The following PGLYRP2 variants were observed in gnomAD, a reference collection of about 807,000 sequenced individuals.
PGLYRP2 encodes N-acetylmuramoyl-L-alanine amidase.
PGLYRP2 carries 38 observed loss-of-function variants against 46.2 expected under a neutral mutation model. The observed-to-expected ratio is 0.82, with a 90% CI of 0.64 to 1.08. The LOEUF (loss-of-function observed/expected upper bound fraction) is 1.08. Ranked by LOEUF, PGLYRP2 falls within the 50% of genes least tolerant of loss-of-function variation. The pLI is 0.00. For missense variants in PGLYRP2, 713 were observed against 755.9 expected, an observed-to-expected ratio of 0.94 and a Z score of 0.67; for synonymous variants, 289 against 329.4, an observed-to-expected ratio of 0.88 and a Z score of 1.33.
intron 2 of PGLYRP2, 110 bp downstream of exon 2, chr19:15,475,428 C>A (rs1308469828): frequency 1.8e-6 from 2 of 1,101,534 alleles, no homozygotes; most frequent in East Asian, 4.8e-5. Flanking sequence ...CGACCAGATC[C>A]CTTATTGCCC....
chr19:15,471,614 T>C (rs1970749695), intron 3 of PGLYRP2, among the ~76,000 whole-genome samples: 1 of 152,140 alleles, frequency 6.6e-6, no homozygotes, highest in Non-Finnish European at 1.5e-5. Context: ...ACCCAGACTC[T>C]GCCACAGGTC....
chr19:15,470,292 C>CTTT (rs1599763576), intron 3 of PGLYRP2, among the ~76,000 whole-genome samples: 4 of 133,964 alleles, frequency 3.0e-5, no homozygotes, highest in South Asian at 4.6e-4. Flanking sequence ...TTCCTTCCTT[C>CTTT]CTTCTTTCTT....
chr19:15,469,502 G>T lies in PGLYRP2; in HGVS notation c.1641+130C>A. ...GGGCCTAGGTTTCCTGAATAGACGT[G>T]CCGCCGGGAAGTTGGGGGCCTGGCT... On this transcript the variant is annotated intron_variant, in intron 4 of 4. Transcript: ENST00000340880. This position sits in a 1 kb window ranked among gnomAD's most constrained non-coding sequence, Gnocchi z 4.9. 7.7e-7 allele frequency: 1 copy of T among 1,292,474 alleles called. No individual in the cohort carries two copies. The highest frequency in any genetic ancestry group is 1.1e-6 in the Non-Finnish European group (1 of 923,288). 80.1% of individuals were successfully genotyped at this position (1,292,474 alleles called of 1,614,324 possible).
intron 2 of PGLYRP2, among the ~76,000 whole-genome samples, chr19:15,474,285 C>T (rs1190941752): frequency 6.6e-6 from 1 of 151,656 alleles, no homozygotes; most frequent in South Asian, 2.1e-4. Context: ...TGCAGTGAGC[C>T]GAGATTGTGC....
In PGLYRP2 at chr19:15,468,669, G is replaced by T; in HGVS notation, c.1725C>A (p.Leu575=). 6.2e-7 allele frequency: 1 copy of T among 1,611,454 alleles called. No individual in the cohort carries two copies. The highest frequency in any genetic ancestry group is 1.1e-5 in the South Asian group (1 of 90,740). Residue 575 remains leucine, a synonymous_variant, in exon 5 of 5, where the codon CTC becomes CTA. Coordinates refer to ENST00000340880, the MANE Select transcript of PGLYRP2 (RefSeq NM_052890.4). ...CTTTGTTTCCATGCTGTCTTTATTG[G>T]AGGTCTGTGGCTGGCAGGGTCCTTG... The part of the protein sequence containing the change: ...PPPRTLPATD[L]Q
At chr19:15,474,612 G>T (rs2145518154) in intron 2 of PGLYRP2, among the ~76,000 whole-genome samples, 1 of 152,188 alleles carries the variant, frequency 6.6e-6, no homozygotes, top group South Asian at 2.1e-4. Flanking sequence ...CGAAGGTCAG[G>T]CCCAGGTTTC....
chr19:15,469,773 G>A lies in PGLYRP2; in HGVS notation c.1500C>T (p.Arg500=). The A allele has an allele frequency of 6.6e-7, 1 of 1,504,880 alleles. No homozygotes were observed. The highest frequency in any genetic ancestry group is 1.3e-5 in the South Asian group (1 of 78,826). The allele number at this position is 1,504,880 out of a possible 1,614,324, so 93.2% of individuals were successfully genotyped here. A position where few individuals can be genotyped will look rare whatever the true frequency, so the allele number is the denominator to read the frequency against. ...LPTEAALRTV[R]DTLPSCAVRA... is the part of the protein sequence containing the mutation. ...GCACCGCACAACTCGGGAGCGTGTC[G>A]CGCACCGTGCGCAGAGCGGCCTCGG... The change falls in exon 4 of 5, where the codon CGC becomes CGT. Residue 500 remains arginine (R), a synonymous_variant. Coordinates refer to ENST00000340880, the MANE Select transcript of PGLYRP2 (RefSeq NM_052890.4). This position sits in a 1 kb window ranked among gnomAD's most constrained non-coding sequence, Gnocchi z 4.9.
At chr19:15,471,809 G>T (rs1970751531) in intron 3 of PGLYRP2, 81 bp downstream of exon 3, 1 of 1,466,100 alleles carries the variant, frequency 6.8e-7, no homozygotes, top group Non-Finnish European at 9.2e-7. Context: ...TTCAAGCCCG[G>T]TCCCCTGCAT....
intron 3 of PGLYRP2, among the ~76,000 whole-genome samples, chr19:15,470,473 T>A (rs7251871): frequency 0.35 from 51,757 of 147,718 alleles, 8,993 homozygotes; most frequent in Middle Eastern, 0.52. Context: ...ATTTTTTTTT[T>A]AATTTTTATT....
intron 3 of PGLYRP2, among the ~76,000 whole-genome samples, chr19:15,471,032 T>C (rs1027946046): frequency 6.7e-6 from 1 of 149,522 alleles, no homozygotes; most frequent in African/African-American, 2.5e-5. Context: ...CTCGAACTCC[T>C]GGGCTCCAGC....
At position 15,469,656 on chromosome 19, in the gene PGLYRP2, C is replaced by T; in HGVS notation, c.1617G>A (p.Leu539=). Residue 539 remains leucine, a synonymous_variant, in exon 4 of 5, where the codon CTG becomes CTA. Transcript: ENST00000340880. The surrounding 1 kb of genome is among the most constrained non-coding windows in gnomAD (Gnocchi z 4.9). ...DCPGDALFDL[L]RTWPHFTATV... ...CCGCGGTGAAGTGCGGCCAGGTGCG[C>T]AGCAGGTCGAAGAGCGCGTCGCCGG... The T allele has an allele frequency of 2.6e-6, 4 of 1,564,830 alleles. No individual in the cohort carries two copies. Among genetic ancestry groups the T allele is most frequent in the Non-Finnish European group, 3.4e-6 (4 of 1,159,798 alleles).
In PGLYRP2 at chr19:15,476,534, T is replaced by C. The variant is rs3813135; in HGVS notation, c.136A>G (p.Thr46Ala). The part of the protein sequence containing the change: ...ELEQKVPAAK[T>A]RHTASAWLMS... Reference sequence around the variant, plus strand: ...AGCCACGCAGAAGCTGTGTGTCTGGTCTTGGCAGCTGGCACTTTCTGCTCC... The same window carrying C: ...AGCCACGCAGAAGCTGTGTGTCTGGCCTTGGCAGCTGGCACTTTCTGCTCC... The change falls in exon 2 of 5, where the codon ACC becomes GCC. Residue 46 changes from threonine to alanine, a missense_variant. Coordinates refer to ENST00000340880, the MANE Select transcript of PGLYRP2 (RefSeq NM_052890.4). 0.38 allele frequency: 608,335 copies of C among 1,613,350 alleles called. 115,879 individuals carry two copies. The highest frequency in any genetic ancestry group is 0.39 in the Non-Finnish European group (456,308 of 1,179,708).
chr19:15,478,074 T>C (rs1264808480), intron 1 of PGLYRP2, among the ~76,000 whole-genome samples: 1 of 152,162 alleles, frequency 6.6e-6, no homozygotes, highest in African/African-American at 2.4e-5. Context: ...TGGCCAGGTG[T>C]GCTGGCACAT....
chr19:15,470,469 T>G (rs1300590871), intron 3 of PGLYRP2, among the ~76,000 whole-genome samples: 2 of 147,704 alleles, frequency 1.4e-5, no homozygotes, highest in Non-Finnish European at 3.0e-5. Context: ...TCTAATTTTT[T>G]TTTTAATTTT....
chr19:15,472,087 GA>G lies in PGLYRP2; in HGVS notation c.1145del (p.Ile382ThrfsTer101), dbSNP rs1331372127. ...CCGCTCCCCAGCGGCAGCGGGGGTG[GA>G]TGGCCGGGCATCCTACAGGCAAGGG... ...FTEAFLGCPA[I>X]HPRCRWGAAP... On this transcript the variant is annotated frameshift_variant, in exon 3 of 5. Coordinates refer to ENST00000340880, the MANE Select transcript of PGLYRP2 (RefSeq NM_052890.4). LOFTEE classifies it high-confidence loss of function. 6.2e-7 allele frequency: 1 copy of G among 1,602,480 alleles called. No homozygotes were observed. Among genetic ancestry groups the G allele is most frequent in the Admixed American group, 1.7e-5 (1 of 59,956 alleles).
chr19:15,470,801 C>A (rs1046952115), intron 3 of PGLYRP2, among the ~76,000 whole-genome samples: 1 of 151,048 alleles, frequency 6.6e-6, no homozygotes, highest in African/African-American at 2.4e-5. Flanking sequence ...TGCACCACCA[C>A]GCCCGGCTAA....
chr19:15,471,848 C>A, intron 3 of PGLYRP2, 42 bp downstream of exon 3: 1 of 1,594,354 alleles, frequency 6.3e-7, no homozygotes, highest in South Asian at 1.1e-5. Flanking sequence ...ACCCCATCCC[C>A]GAACGTGGGC....
Position 15,469,307 on chromosome 19 carries a change from G to T in PGLYRP2, c.1641+325C>A. On this transcript the variant is annotated intron_variant, in intron 4 of 4. Coordinates refer to ENST00000340880, the MANE Select transcript of PGLYRP2 (RefSeq NM_052890.4). This position sits in a 1 kb window ranked among gnomAD's most constrained non-coding sequence, Gnocchi z 4.9. ...GTCATGAAGGCCAGGCTGAGGTTGT[G>T]AGGGCAGAGGGGCTGTTGGCAGGTG... The T allele has an allele frequency of 1.6e-6, 1 of 623,940 alleles. No homozygotes were observed. Among genetic ancestry groups the T allele is most frequent in the South Asian group, 1.8e-5 (1 of 54,896 alleles). 38.7% of individuals were successfully genotyped at this position (623,940 alleles called of 1,614,324 possible).
intron 3 of PGLYRP2, among the ~76,000 whole-genome samples, chr19:15,471,569 C>T (rs60292400): frequency 0.02 from 3,074 of 152,202 alleles, 60 homozygotes; most frequent in African/African-American, 0.048. Flanking sequence ...ACCAGGCCTC[C>T]TTGTCTGTTT....
Sources: gnomAD v4.1 joint callset for allele counts (sites outside exome capture counted in the v4.1 genomes callset) on GRCh38, gnomAD v4.1.1 for gene constraint, Gnocchi (gnomAD v3.1) non-coding constraint, MANE v1.5 for transcripts, NCBI Gene and HGNC (gene_info 2026-07-23, HGNC 2026-07-21) for gene names.